Variants in SSBP2 observed in about 807,000 individuals in gnomAD.
The protein encoded by SSBP2 is single stranded DNA binding protein 2, also known as single-stranded DNA-binding protein 2.
In SSBP2, 17 loss-of-function variants were observed where a neutral mutation model predicts 61.8. That is an observed-to-expected ratio of 0.28 (90% CI 0.19 to 0.41). SSBP2 has a LOEUF of 0.41. Among genes scored for constraint, SSBP2 ranks in the 10% least tolerant of loss-of-function variants. The pLI is 1.00. For synonymous variants in SSBP2, 139 were observed against 141.3 expected (o/e 0.98, Z 0.12); for missense variants, 310 against 458.7 (o/e 0.68, Z 2.96).
chr5:81,438,719 T>G (rs1019476843), intron 14 of SSBP2, among the ~76,000 whole-genome samples: 1 of 152,196 alleles, frequency 6.6e-6, no homozygotes, highest in African/African-American at 2.4e-5. Flanking sequence ...AATGAGAGCC[T>G]TTTAACTATT....
chr5:81,667,688 A>G (rs1367491924), intron 1 of SSBP2, among the ~76,000 whole-genome samples: 1 of 152,222 alleles, frequency 6.6e-6, no homozygotes, highest in Non-Finnish European at 1.5e-5. Flanking sequence ...GGAATGAAGT[A>G]TAACTTTTAA....
chr5:81,699,854 CTTTTTTTTTTT>C (rs3081889), intron 1 of SSBP2, among the ~76,000 whole-genome samples: 1 of 124,862 alleles, frequency 8.0e-6, no homozygotes, highest in Non-Finnish European at 1.7e-5. Context: ...AAATCAATTT[CTTTTTTTTTTT>C]TTTTTTTTTG....
intron 1 of SSBP2, among the ~76,000 whole-genome samples, chr5:81,733,628 G>C (rs560803647): frequency 6.6e-6 from 1 of 152,044 alleles, no homozygotes; most frequent in Non-Finnish European, 1.5e-5. Flanking sequence ...TTGACAAATC[G>C]TATCTGTTAC....
intron 3 of SSBP2, among the ~76,000 whole-genome samples, chr5:81,617,597 G>A (rs1746177208): frequency 7.8e-5 from 1 of 12,762 alleles, no homozygotes; most frequent in Admixed American, 1.0e-3. Flanking sequence ...AGGAAATACA[G>A]AGAACGCCAC....
chr5:81,548,850 A>T (rs992214002), intron 4 of SSBP2, among the ~76,000 whole-genome samples: 3 of 152,204 alleles, frequency 2.0e-5, no homozygotes, highest in African/African-American at 7.2e-5. Context: ...TGAACCCAGG[A>T]GGCAGAGCTT....
intron 5 of SSBP2, among the ~76,000 whole-genome samples, chr5:81,502,503 C>T (rs1371544364): frequency 6.6e-6 from 1 of 152,156 alleles, no homozygotes; most frequent in East Asian, 1.9e-4. Context: ...TATTCCAATC[C>T]ATATGCTAGT....
intron 16 of SSBP2, among the ~76,000 whole-genome samples, chr5:81,421,783 C>A (rs1367103329): frequency 6.6e-6 from 1 of 152,158 alleles, no homozygotes; most frequent in African/African-American, 2.4e-5. Context: ...TCTGTGCTGT[C>A]CAACTTGGAG....
At chr5:81,422,395 G>A (rs1449825772) in intron 16 of SSBP2, among the ~76,000 whole-genome samples, 1 of 152,164 alleles carries the variant, frequency 6.6e-6, no homozygotes, top group Non-Finnish European at 1.5e-5. Context: ...TGGGCCAGAT[G>A]TCATTAGGGC....
chr5:81,653,010 GGTAT>G (rs1419120059), intron 1 of SSBP2, among the ~76,000 whole-genome samples: 3 of 149,902 alleles, frequency 2.0e-5, no homozygotes, highest in South Asian at 2.1e-4. Flanking sequence ...TTGTTACATA[GGTAT>G]GTATACACAT....
chr5:81,622,120 TAAAAAAA>T (rs76185243), intron 3 of SSBP2, among the ~76,000 whole-genome samples: 1 of 127,048 alleles, frequency 7.9e-6, no homozygotes, highest in South Asian at 2.5e-4. Context: ...AAAAAAAAAT[TAAAAAAA>T]AAAAAAAAGA....
chr5:81,567,691 C>T (rs1328465236), intron 4 of SSBP2, among the ~76,000 whole-genome samples: 1 of 151,834 alleles, frequency 6.6e-6, no homozygotes, highest in African/African-American at 2.4e-5. Flanking sequence ...GATACTCAAC[C>T]CCAGGTGGGA....
intron 1 of SSBP2, among the ~76,000 whole-genome samples, chr5:81,730,469 C>T (rs1053371540): frequency 6.6e-6 from 1 of 152,202 alleles, no homozygotes; most frequent in African/African-American, 2.4e-5. Context: ...AGGTGATCCA[C>T]CTGCCTCGGC....
At chr5:81,697,647 C>A (rs995539327) in intron 1 of SSBP2, among the ~76,000 whole-genome samples, 3 of 152,130 alleles carry the variant, frequency 2.0e-5, no homozygotes, top group Non-Finnish European at 4.4e-5. Context: ...TTTTCTAGAA[C>A]TACTTAGGAC....
chr5:81,629,937 C>T (rs1261594461), intron 3 of SSBP2, among the ~76,000 whole-genome samples: 1 of 152,198 alleles, frequency 6.6e-6, no homozygotes, highest in African/African-American at 2.4e-5. Context: ...CATACTTCTG[C>T]TTTAATACTT....
intron 3 of SSBP2, among the ~76,000 whole-genome samples, chr5:81,617,856 T>C (rs1746206168): frequency 8.2e-6 from 1 of 121,386 alleles, no homozygotes; most frequent in Admixed American, 8.5e-5. Flanking sequence ...CAAACTAAGC[T>C]TCATAAGTGA....
At chr5:81,704,203 T>C (rs948723793) in intron 1 of SSBP2, among the ~76,000 whole-genome samples, 1 of 152,254 alleles carries the variant, frequency 6.6e-6, no homozygotes, top group Non-Finnish European at 1.5e-5. Flanking sequence ...AATGATGACA[T>C]GACTACGATT....
Position 81,697,276 on chromosome 5 carries a change from C to T in SSBP2, c.63-46937G>A, listed in dbSNP as rs183943637. ...CCAGCCAGAAAAATAAAATGGAGGG[C>T]TGAGGACCTTTTTCTGTACAAAACT... On this transcript the variant is annotated intron_variant, in intron 1 of 16. Transcript: ENST00000320672. Among the ~76,000 whole-genome samples, 10 of 152,268 alleles carry T rather than the reference C, an allele frequency of 6.6e-5. No homozygotes were observed. In the East Asian group the frequency reaches 1.9e-3, roughly 29 times the overall value.
intron 6 of SSBP2, 148 bp downstream of exon 6, chr5:81,489,101 GT>G: frequency 1.5e-6 from 1 of 672,234 alleles, no homozygotes; most frequent in African/African-American, 1.9e-5. Flanking sequence ...CTTATGAGCT[GT>G]AGTTTGCCAA....
chr5:81,691,638 G>C (rs1391418524), intron 1 of SSBP2, among the ~76,000 whole-genome samples: 1 of 151,642 alleles, frequency 6.6e-6, no homozygotes, highest in Non-Finnish European at 1.5e-5. Context: ...AACATTTAAA[G>C]AAGAACTAAT....
Sources: gnomAD v4.1 joint callset for allele counts (sites outside exome capture counted in the v4.1 genomes callset) on GRCh38, gnomAD v4.1.1 for gene constraint, MANE v1.5 for transcripts, NCBI Gene and HGNC (gene_info 2026-07-23, HGNC 2026-07-21) for gene names.